LRP1B: variants seen among roughly 807,000 people sequenced by gnomAD.
The protein encoded by LRP1B is low-density lipoprotein receptor-related protein 1B.
A neutral mutation model predicts 556.6 loss-of-function variants in LRP1B; 217 were observed. The observed-to-expected ratio is 0.39, with a 90% CI of 0.35 to 0.44. LRP1B has a LOEUF of 0.44. Among genes scored for constraint, LRP1B ranks in the 20% least tolerant of loss-of-function variants. The probability of loss-of-function intolerance (pLI) is 1.00; values close to 1 mark genes in which losing one functional copy is unlikely to be tolerated. For synonymous variants in LRP1B, 2,047 were observed against 1,865.8 expected (o/e 1.10, Z -2.50); for missense variants, 5,053 against 5,620.8 (o/e 0.90, Z 3.23).
In LRP1B at chr2:140,232,782, T is replaced by A. The variant is rs13035458; in HGVS notation, c.*404A>T. The A allele has an allele frequency of 0.98, 149,680 of 152,270 alleles. 73,636 individuals are homozygous for A. The highest frequency in any genetic ancestry group is 1 in the East Asian group (5,092 of 5,092). 9.4% of individuals were successfully genotyped at this position (152,270 alleles called of 1,614,324 possible). On this transcript the variant is annotated 3_prime_UTR_variant, in exon 91 of 91. Transcript: ENST00000389484. ...TCCATCAATTTAAACAGAAAAATAA[T>A]ATGACACTGTATTACAGCCTTCAAA...
At chr2:141,709,239 C>T (rs1335916579) in intron 2 of LRP1B, among the ~76,000 whole-genome samples, 1 of 151,952 alleles carries the variant, frequency 6.6e-6, no homozygotes, top group Non-Finnish European at 1.5e-5. Flanking sequence ...GTCCCAGCTA[C>T]TCAGGAGGCT....
chr2:142,114,133 A>T (rs1158966947), intron 1 of LRP1B, among the ~76,000 whole-genome samples: 1 of 152,116 alleles, frequency 6.6e-6, no homozygotes, highest in Non-Finnish European at 1.5e-5. Flanking sequence ...TTCTGATCAA[A>T]TCCTTTGCTA....
chr2:141,560,327 C>G (rs886750453), intron 2 of LRP1B, among the ~76,000 whole-genome samples: 2 of 151,702 alleles, frequency 1.3e-5, no homozygotes, highest in Non-Finnish European at 3.0e-5. Flanking sequence ...GGGTGTGATA[C>G]TTTTTAAAAG....
chr2:142,101,049 G>A (rs1706551415), intron 1 of LRP1B, among the ~76,000 whole-genome samples: 1 of 151,954 alleles, frequency 6.6e-6, no homozygotes. Flanking sequence ...TCCTGATTGA[G>A]CTCTCCCCAC....
chr2:140,784,967 T>C (rs958158994), intron 32 of LRP1B, among the ~76,000 whole-genome samples: 4 of 152,156 alleles, frequency 2.6e-5, no homozygotes, highest in Non-Finnish European at 5.9e-5. Context: ...CATCAGTTTT[T>C]AGATTGAAAC....
At chr2:140,895,603 T>A (rs1193953559) in intron 23 of LRP1B, among the ~76,000 whole-genome samples, 1 of 152,164 alleles carries the variant, frequency 6.6e-6, no homozygotes, top group East Asian at 1.9e-4. Flanking sequence ...CTTAAGTGTT[T>A]AACAGCTCAG....
At chr2:140,335,907 A>G in intron 77 of LRP1B, 69 bp from the exon 78 acceptor site, 1 of 942,754 alleles carries the variant, frequency 1.1e-6, no homozygotes, top group Non-Finnish European at 1.7e-6. Context: ...CTGTATCTTT[A>G]CATTGAAGTT....
intron 7 of LRP1B, among the ~76,000 whole-genome samples, chr2:141,187,206 G>A (rs1401579390): frequency 1.3e-5 from 2 of 152,016 alleles, no homozygotes; most frequent in Non-Finnish European, 1.5e-5. Flanking sequence ...ACCATCTGCT[G>A]CAAATACAAA....
chr2:141,510,567 C>T (rs962701958), intron 2 of LRP1B, among the ~76,000 whole-genome samples: 2 of 151,878 alleles, frequency 1.3e-5, no homozygotes, highest in African/African-American at 4.8e-5. Flanking sequence ...GGAAAATAAG[C>T]CTTGAGTAAA....
At chr2:140,891,364 T>G (rs1460997547) in intron 23 of LRP1B, among the ~76,000 whole-genome samples, 1 of 152,128 alleles carries the variant, frequency 6.6e-6, no homozygotes, top group Non-Finnish European at 1.5e-5. Flanking sequence ...TTCAGATCCT[T>G]TCAGGGTAAA....
At position 141,139,426 on chromosome 2, in the gene LRP1B, GA is replaced by G. The variant is rs199914861; in HGVS notation, c.1013+48994del. Among the ~76,000 whole-genome samples the G allele has an allele frequency of 4.7e-4, 71 of 151,352 alleles. 1 individual carries two copies. In the East Asian group the frequency reaches 8.9e-3, roughly 19 times the overall value. On this transcript the variant is annotated intron_variant, in intron 7 of 90. Coordinates refer to ENST00000389484, the MANE Select transcript of LRP1B (RefSeq NM_018557.3). ...AATAAAAAGATAAGTCACAGATTGG[GA>G]AAAAAATCTTTATAAGGCTTTTATC...
At chr2:141,810,118 AAAG>A (rs1205635820) in intron 2 of LRP1B, among the ~76,000 whole-genome samples, 158 bp downstream of exon 2, 5 of 63,392 alleles carry the variant, frequency 7.9e-5, no homozygotes, top group African/African-American at 3.7e-4. Flanking sequence ...AAAGAAAAAG[AAAG>A]AAAGAAAGAA....
At chr2:140,708,563 T>C (rs1410490601) in intron 37 of LRP1B, among the ~76,000 whole-genome samples, 2 of 139,224 alleles carry the variant, frequency 1.4e-5, no homozygotes, top group Non-Finnish European at 3.2e-5. Context: ...TATTACACCA[T>C]GTTATAGTTC....
At chr2:140,276,909 C>G (rs1682695560) in intron 84 of LRP1B, among the ~76,000 whole-genome samples, 1 of 151,744 alleles carries the variant, frequency 6.6e-6, no homozygotes, top group African/African-American at 2.4e-5. Flanking sequence ...CAGGTAGTTC[C>G]CATGGGAACT....
chr2:140,980,964 C>T lies in LRP1B; in HGVS notation c.2887+1196G>A, dbSNP rs142572352. On this transcript the variant is annotated intron_variant, in intron 18 of 90. Transcript: ENST00000389484. Reference sequence around the variant, plus strand: ...TCAGCAACTTGGATGGAGCTGGAGGCCATTATATTAAGTGGAGTAACTCAG... The same window carrying T: ...TCAGCAACTTGGATGGAGCTGGAGGTCATTATATTAAGTGGAGTAACTCAG... Among the ~76,000 whole-genome samples, 280 of 152,192 alleles carry T rather than the reference C, an allele frequency of 1.8e-3. 1 individual carries two copies. Among genetic ancestry groups the T allele is most frequent in the Non-Finnish European group, 2.7e-3 (186 of 67,994 alleles).
intron 3 of LRP1B, among the ~76,000 whole-genome samples, chr2:141,423,290 CTTTTTTTTTTTTT>C (rs1176569388): frequency 2.9e-5 from 2 of 68,384 alleles, no homozygotes; most frequent in East Asian, 5.1e-4. Flanking sequence ...ACAGCCAGAG[CTTTTTTTTTTTTT>C]TTTTTTTTTT....
At chr2:141,217,028 C>T (rs561370142) in intron 6 of LRP1B, among the ~76,000 whole-genome samples, 19 of 152,204 alleles carry the variant, frequency 1.2e-4, no homozygotes, top group South Asian at 2.1e-4. Flanking sequence ...AAGGCATAAT[C>T]GTATTTTGCA....
intron 43 of LRP1B, 30 bp from the exon 44 acceptor site, chr2:140,542,001 T>C: frequency 1.3e-6 from 2 of 1,512,346 alleles, no homozygotes; most frequent in Non-Finnish European, 1.8e-6. Context: ...TGTATTTTTA[T>C]GATGAATATA....
intron 11 of LRP1B, among the ~76,000 whole-genome samples, chr2:141,027,210 G>A (rs1698240755): frequency 6.6e-6 from 1 of 152,096 alleles, no homozygotes; most frequent in African/African-American, 2.4e-5. Context: ...ACCGTATATA[G>A]TGAAAGTCTG....
Sources: gnomAD v4.1 joint callset for allele counts (sites outside exome capture counted in the v4.1 genomes callset) on GRCh38, gnomAD v4.1.1 for gene constraint, MANE v1.5 for transcripts, NCBI Gene and HGNC (gene_info 2026-07-23, HGNC 2026-07-21) for gene names.